SPDYC: variants seen among roughly 807,000 people sequenced by gnomAD.
SPDYC encodes speedy protein C.
Under a neutral mutation model 33.9 loss-of-function variants are expected in SPDYC, and 25 were observed. The ratio of observed to expected loss-of-function variants is 0.74; its 90% CI spans 0.54 to 1.03. The LOEUF (loss-of-function observed/expected upper bound fraction) is 1.03, where lower values mean the gene tolerates loss of function less well. SPDYC is among the 50% of genes least tolerant of loss of function. The pLI, the probability that SPDYC is intolerant of heterozygous loss-of-function variation, is 0.00. For synonymous variants in SPDYC, 133 were observed against 140.2 expected (o/e 0.95, Z 0.36); for missense variants, 349 against 382.9 (o/e 0.91, Z 0.74).
At position 65,172,348 on chromosome 11, in the gene SPDYC, G is replaced by C. The variant is rs1387479026; in HGVS notation, c.344+17G>C. On this transcript the variant is annotated intron_variant, in intron 4 of 6. Transcript: ENST00000377185. Reference sequence around the variant, plus strand: ...CTTGGCCCTGTGAGTGGTGGGGGCAGGCAGTGGAGGCATTTGCTGGAGGTG... The same window carrying C: ...CTTGGCCCTGTGAGTGGTGGGGGCACGCAGTGGAGGCATTTGCTGGAGGTG... 1 of 1,614,136 alleles carries C rather than the reference G, an allele frequency of 6.2e-7. No individual in the cohort carries two copies. The highest frequency in any genetic ancestry group is 2.2e-5 in the East Asian group (1 of 44,888).
downstream of SPDYC, chr11:65,173,352 A>C: frequency 8.4e-6 from 9 of 1,072,598 alleles, no homozygotes; most frequent in African/African-American, 1.6e-5. Context: ...TAATAAATTC[A>C]TGTCCACAGG....
At chr11:65,173,284 C>T, downstream of SPDYC, 1 of 1,549,956 alleles carries the variant, frequency 6.5e-7, no homozygotes. Flanking sequence ...GCTGTGCTCC[C>T]ACCCCTGCCC....
intron 2 of SPDYC, 129 bp downstream of exon 2, chr11:65,171,628 T>C: frequency 8.6e-7 from 1 of 1,160,142 alleles, no homozygotes; most frequent in Non-Finnish European, 1.2e-6. Context: ...GTATCCCAGC[T>C]TAGGCAGGTG....
At chr11:65,172,468 G>T (rs1948447147) in exon 5 of SPDYC, 1 of 1,583,286 alleles carries the variant, frequency 6.3e-7, no homozygotes, top group Non-Finnish European at 8.6e-7. Flanking sequence ...GGACCTGGAG[G>T]GCCCCAAATG....
rs371503457 is a variant in SPDYC at position 65,172,471 on chromosome 11, C to G, written c.382C>G (p.Pro128Ala). Residue 128 changes from proline (P) to alanine (A), a missense_variant, in exon 5 of 7, where the codon CCC (proline) becomes GCC (alanine). Coordinates refer to ENST00000377185, the Ensembl canonical transcript of SPDYC. ...CGACATGGAGGAGGACCTGGAGGGC[C>G]CCAAATGTGAGATTTTTCCATGGGC... 9 of 1,584,442 alleles carry G rather than the reference C, an allele frequency of 5.7e-6. No individual in the cohort carries two copies. Among genetic ancestry groups the G allele is most frequent in the Non-Finnish European group, 6.9e-6 (8 of 1,164,044 alleles).
At chr11:65,170,335 TG>T in intron 1 of SPDYC, 74 bp downstream of exon 1, 1 of 1,441,690 alleles carries the variant, frequency 6.9e-7, no homozygotes, top group South Asian at 1.4e-5. Flanking sequence ...GGCCCTGGGG[TG>T]GTCGACCGCA....
At chr11:65,173,367 C>G, downstream of SPDYC, 1 of 957,262 alleles carries the variant, frequency 1.0e-6, no homozygotes, top group Non-Finnish European at 1.5e-6. Context: ...CACAGGACAC[C>G]AACTGTGCTT....
At chr11:65,171,257 T>A in intron 1 of SPDYC, 70 bp from the exon 2 acceptor site, 5 of 1,494,120 alleles carry the variant, frequency 3.3e-6, no homozygotes, top group South Asian at 1.3e-5. Context: ...TCCTGGCCCC[T>A]GTCACCACCC....
intron 3 of SPDYC, 22 bp downstream of exon 3, chr11:65,172,023 G>A (rs750570975): frequency 5.0e-6 from 8 of 1,613,342 alleles, no homozygotes; most frequent in Non-Finnish European, 4.2e-6. Flanking sequence ...CAGGCTGGGG[G>A]TCTCTTGAGG....
At chr11:65,172,079 G>A in intron 3 of SPDYC, 78 bp downstream of exon 3, 2 of 1,530,944 alleles carry the variant, frequency 1.3e-6, no homozygotes, top group Middle Eastern at 1.7e-4. Flanking sequence ...CTGGTAGGGA[G>A]AGCCACTCAC....
chr11:65,172,586 G>C (rs202178163), exon 5 of SPDYC: 3 of 1,551,530 alleles, frequency 1.9e-6, no homozygotes, highest in African/African-American at 2.7e-5. Flanking sequence ...GCTGTTGTGA[G>C]CCGCCAGTGC....
chr11:65,172,820 CCT>C lies in SPDYC; in HGVS notation c.654_655del (p.Cys219TrpfsTer12). 6.2e-7 allele frequency: 1 copy of C among 1,614,190 alleles called. No individual in the cohort carries two copies. Among genetic ancestry groups the C allele is most frequent in the Non-Finnish European group, 8.5e-7 (1 of 1,180,030 alleles). On this transcript the variant is annotated frameshift_variant, in exon 6 of 7. Coordinates refer to ENST00000377185, the Ensembl canonical transcript of SPDYC. LOFTEE classifies it high-confidence loss of function. ...GGCCTCTCGCCGCCCCACTGTTCCC[CCT>C]GTGGTTTGCCCCAGCACTGCAGCAG...
Position 65,172,904 on chromosome 11 carries a change from G to T in SPDYC, c.737G>T (p.Arg246Leu). 4 of 1,614,070 alleles carry T rather than the reference G, an allele frequency of 2.5e-6. No homozygotes were observed. In the Admixed American group the frequency reaches 5.0e-5, roughly 20 times the overall value. ...CCTTCTCTGACCTCTGAATGTCATC[G>T]CCCTCCCTCCCAAAATTATCTCTCA... The change falls in exon 6 of 7, where the codon CGC (arginine) becomes CTC (leucine). Residue 246 changes from arginine to leucine, a missense_variant. Arg to Leu is a moderately radical substitution (Grantham distance 102). Coordinates refer to ENST00000377185, the Ensembl canonical transcript of SPDYC.
intron 1 of SPDYC, among the ~76,000 whole-genome samples, chr11:65,170,962 C>T (rs891279166): frequency 6.6e-6 from 1 of 152,134 alleles, no homozygotes; most frequent in Non-Finnish European, 1.5e-5. Flanking sequence ...TGTTAGGCCT[C>T]AGCTTCAGTT....
At chr11:65,171,266 C>G in intron 1 of SPDYC, 61 bp from the exon 2 acceptor site, 3 of 1,545,962 alleles carry the variant, frequency 1.9e-6, no homozygotes, top group East Asian at 2.4e-5. Context: ...CTGTCACCAC[C>G]CTCTTGATTT....
chr11:65,172,920 T>G, exon 6 of SPDYC: 1 of 1,614,068 alleles, frequency 6.2e-7, no homozygotes, highest in Non-Finnish European at 8.5e-7. Context: ...CCTCCCAAAA[T>G]TATCTCTCAA....
chr11:65,172,912 T>C (rs1175425094), exon 6 of SPDYC: 1 of 1,613,060 alleles, frequency 6.2e-7, no homozygotes, highest in Admixed American at 1.7e-5. Context: ...TCGCCCTCCC[T>C]CCCAAAATTA....
exon 6 of SPDYC, chr11:65,172,965 C>G: frequency 6.2e-7 from 1 of 1,613,826 alleles, no homozygotes; most frequent in Non-Finnish European, 8.5e-7. Context: ...ACTTTCTCAT[C>G]GTCTTGCCTC....
At chr11:65,173,104 G>A in intron 6 of SPDYC, 79 bp from the exon 7 acceptor site, 1 of 1,601,106 alleles carries the variant, frequency 6.2e-7, no homozygotes, top group Non-Finnish European at 8.5e-7. Context: ...GAGGGCCATG[G>A]GCCTGGGGTC....
Sources: allele counts gnomAD v4.1 joint callset (sites outside exome capture counted in the v4.1 genomes callset), GRCh38; gene constraint gnomAD v4.1.1; transcripts MANE v1.5; gene names NCBI Gene and HGNC (gene_info 2026-07-23, HGNC 2026-07-21).